The following PTPRT variants were observed in gnomAD, a reference collection of about 807,000 sequenced individuals.
PTPRT encodes receptor-type tyrosine-protein phosphatase T.
In PTPRT, 56 loss-of-function variants were observed where a neutral mutation model predicts 176.8. That is an observed-to-expected ratio of 0.32 (90% CI 0.26 to 0.40). The LOEUF (loss-of-function observed/expected upper bound fraction) is 0.40. Among genes scored for constraint, PTPRT ranks in the 10% least tolerant of loss-of-function variants. The pLI, the probability that PTPRT is intolerant of heterozygous loss-of-function variation, is 1.00. For synonymous variants in PTPRT, 783 were observed against 739.0 expected (o/e 1.06, Z -0.96); for missense variants, 1,540 against 1,908.2 (o/e 0.81, Z 3.60).
chr20:42,807,494 G>A (rs1454709424), intron 2 of PTPRT, among the ~76,000 whole-genome samples: 4 of 152,120 alleles, frequency 2.6e-5, no homozygotes, highest in Admixed American at 2.6e-4. Context: ...TGTGCTCTCT[G>A]TGGCACTGTC....
intron 2 of PTPRT, among the ~76,000 whole-genome samples, chr20:42,847,427 T>C (rs1390160522): frequency 6.6e-6 from 1 of 152,166 alleles, no homozygotes; most frequent in African/African-American, 2.4e-5. Flanking sequence ...TGGCAGAGCC[T>C]ATACAGGCCA....
intron 9 of PTPRT, among the ~76,000 whole-genome samples, chr20:42,356,158 G>A (rs1330130942): frequency 1.3e-5 from 2 of 152,096 alleles, no homozygotes; most frequent in East Asian, 3.9e-4. Flanking sequence ...TGGGATGGGA[G>A]GGAGCTGTGG....
chr20:42,640,555 A>AT (rs1249374086), intron 7 of PTPRT, among the ~76,000 whole-genome samples: 1 of 151,846 alleles, frequency 6.6e-6, no homozygotes, highest in African/African-American at 2.4e-5. Flanking sequence ...TGCCCAGCTA[A>AT]TTTTTTTATT....
chr20:42,610,392 GT>G (rs1219274178), intron 7 of PTPRT, among the ~76,000 whole-genome samples: 16 of 128,976 alleles, frequency 1.2e-4, no homozygotes, highest in Admixed American at 3.1e-4. Flanking sequence ...TTTTTTTTTT[GT>G]TTTTTTTTTT....
chr20:42,647,682 A>T (rs1404672071), intron 7 of PTPRT, among the ~76,000 whole-genome samples: 1 of 152,148 alleles, frequency 6.6e-6, no homozygotes, highest in Non-Finnish European at 1.5e-5. Flanking sequence ...CGCTTGTGAA[A>T]GGAGTCATGG....
rs567965831 is a variant in PTPRT at position 42,763,603 on chromosome 20, G to C, written c.685-6967C>G. On this transcript the variant is annotated intron_variant, in intron 5 of 30. Transcript: ENST00000373187. ...TAGGTGAAATTCCCACAATTCACTT[G>C]TAATGCGTATTCTTTTCACTTCTAG... is the stretch of plus-strand genomic sequence containing the variant. Among the ~76,000 whole-genome samples, 7 of 152,290 alleles carry C rather than the reference G, an allele frequency of 4.6e-5. No homozygotes were observed. The South Asian group carries it at 1.0e-3, about 23-fold the overall frequency.
chr20:42,297,827 A>T (rs1225838303), intron 12 of PTPRT, among the ~76,000 whole-genome samples: 1 of 152,208 alleles, frequency 6.6e-6, no homozygotes, highest in African/African-American at 2.4e-5. Context: ...TTGGGAAAAC[A>T]GATAAAAATT....
rs374933401 is a variant in PTPRT, at chr20:42,315,888, G to A, written c.1974C>T (p.Leu658=). The change falls in exon 12 of 31, where the codon CTC becomes CTT. Residue 658 remains leucine (L), a synonymous_variant. Transcript: ENST00000373187. ...VPVSYRNASS[L]DSLHYFAAEL... is the part of the protein sequence containing the mutation. ...CAGCAGCAAAGTAGTGTAGAGAATC[G>A]AGGCTGGAGGCATTCCGATAGCTCA... 2.0e-5 allele frequency: 33 copies of A among 1,614,012 alleles called. No individual in the cohort carries two copies. The African/African-American group carries it at 3.3e-4, about 16-fold the overall frequency.
chr20:43,119,161 AAAC>A (rs1196569576), intron 1 of PTPRT, among the ~76,000 whole-genome samples: 4 of 152,234 alleles, frequency 2.6e-5, no homozygotes, highest in African/African-American at 9.6e-5. Context: ...AAAAACTAGA[AAAC>A]AACACAGTGG....
rs796800724 is a variant in PTPRT at position 42,369,074 on chromosome 20, C to CTCCTTCCCTCCTTCCT, written c.1561-16805_1561-16790dup. Among the ~76,000 whole-genome samples the CTCCTTCCCTCCTTCCT allele has an allele frequency of 1.5e-3, 225 of 150,034 alleles. 2 individuals carry two copies. Among genetic ancestry groups the CTCCTTCCCTCCTTCCT allele is most frequent in the African/African-American group, 5.2e-3 (212 of 40,740 alleles). On this transcript the variant is annotated intron_variant, in intron 9 of 30. Coordinates refer to ENST00000373187, the MANE Select transcript of PTPRT (RefSeq NM_007050.6). ...CCTCCTTCCTTCCTCCCTTCTTTCT[C>CTCCTTCCCTCCTTCCT]TCCTTCCCTCCTTCCTTCCTTCCCT...
intron 1 of PTPRT, among the ~76,000 whole-genome samples, chr20:42,972,103 C>T (rs1466716600): frequency 2.0e-5 from 3 of 148,722 alleles, no homozygotes; most frequent in African/African-American, 4.9e-5. Flanking sequence ...TGATACTTGT[C>T]GTGAAATCTA....
chr20:42,985,630 C>T (rs925785332), intron 1 of PTPRT, among the ~76,000 whole-genome samples: 2 of 152,038 alleles, frequency 1.3e-5, no homozygotes, highest in Non-Finnish European at 2.9e-5. Context: ...AAACAATGCA[C>T]TTTTTTAAAA....
chr20:42,822,842 A>G (rs999319682), intron 2 of PTPRT, among the ~76,000 whole-genome samples: 1 of 152,226 alleles, frequency 6.6e-6, no homozygotes, highest in African/African-American at 2.4e-5. Context: ...AACCATAATG[A>G]GATACCATCT....
chr20:42,414,214 G>T (rs1477384301), intron 9 of PTPRT, among the ~76,000 whole-genome samples: 1 of 152,170 alleles, frequency 6.6e-6, no homozygotes, highest in East Asian at 1.9e-4. Flanking sequence ...ATTGACAAGG[G>T]TTTTAAGAAA....
intron 1 of PTPRT, among the ~76,000 whole-genome samples, chr20:43,015,998 G>C (rs1985351462): frequency 6.7e-6 from 1 of 149,586 alleles, no homozygotes; most frequent in Non-Finnish European, 1.5e-5. Context: ...CCCTCTCTCA[G>C]AATTTGACCT....
At chr20:42,934,229 C>T (rs772431910) in intron 1 of PTPRT, among the ~76,000 whole-genome samples, 12 of 151,908 alleles carry the variant, frequency 7.9e-5, no homozygotes, top group African/African-American at 2.9e-4. Context: ...ATGCCTCAAA[C>T]GAGAGACAGA....
chr20:42,338,398 G>A (rs1285267000), intron 11 of PTPRT, among the ~76,000 whole-genome samples: 1 of 152,168 alleles, frequency 6.6e-6, no homozygotes, highest in Non-Finnish European at 1.5e-5. Flanking sequence ...TTGGAAATAT[G>A]ATGGCTGTTG....
rs777436778 is a variant in PTPRT at position 42,270,328 on chromosome 20, CCTGGCCTGGAGGACCCA to C, written c.2176+12144_2176+12160del. Reference sequence around the variant, plus strand: ...AGACTGCTGATTCCTCTCTGGTGCACCTGGCCTGGAGGACCCACTGAGTGTGGGCAACTCTCCCCTCC... The same window carrying C: ...AGACTGCTGATTCCTCTCTGGTGCACCTGAGTGTGGGCAACTCTCCCCTCC... On this transcript the variant is annotated intron_variant, in intron 13 of 30. Coordinates refer to ENST00000373187, the MANE Select transcript of PTPRT (RefSeq NM_007050.6). 2,399 of 1,428,444 alleles carry C rather than the reference CCTGGCCTGGAGGACCCA, an allele frequency of 1.7e-3. 6 individuals are homozygous for C. The highest frequency in any genetic ancestry group is 1.9e-3 in the Non-Finnish European group (1,990 of 1,038,102). 88.5% of individuals were successfully genotyped at this position (1,428,444 alleles called of 1,614,324 possible). A position where few individuals can be genotyped will look rare whatever the true frequency, so the allele number is the denominator to read the frequency against.
At chr20:42,911,103 G>A (rs989943647) in intron 1 of PTPRT, among the ~76,000 whole-genome samples, 1 of 152,010 alleles carries the variant, frequency 6.6e-6, no homozygotes, top group African/African-American at 2.4e-5. Context: ...GGGATTATGG[G>A]GATTATAAGA....
Sources: allele counts gnomAD v4.1 joint callset (sites outside exome capture counted in the v4.1 genomes callset), GRCh38; gene constraint gnomAD v4.1.1; transcripts MANE v1.5; gene names NCBI Gene and HGNC (gene_info 2026-07-23, HGNC 2026-07-21).